RANBP2: variants seen among roughly 807,000 people sequenced by gnomAD.
RANBP2 encodes the protein E3 SUMO-protein ligase RanBP2.
A neutral mutation model predicts 303.6 loss-of-function variants in RANBP2; 57 were observed. The observed-to-expected ratio is 0.19, with a 90% CI of 0.15 to 0.23. The LOEUF is 0.23. Ranked by LOEUF, RANBP2 falls within the 10% of genes least tolerant of loss-of-function variation. RANBP2 has a pLI of 1.00. For missense variants in RANBP2, 3,138 were observed against 3,780.8 expected (o/e 0.83, Z 4.46); for synonymous variants, 1,167 against 1,301.5 (o/e 0.90, Z 2.23).
chr2:109,402,821 G>A, the RANBP2 span, among the ~76,000 whole-genome samples: 728 of 152,302 alleles, frequency 4.8e-3, 4 homozygotes, highest in African/African-American at 0.017. Context: ...TACTTTTGGG[G>A]TGAGCATGGT....
chr2:109,488,484 A>G, the RANBP2 span, among the ~76,000 whole-genome samples: 138,566 of 152,246 alleles, frequency 0.91, 63,252 homozygotes, highest in Middle Eastern at 0.99. Flanking sequence ...GCCCAGCTGC[A>G]GGGTCTCCCA....
the RANBP2 span, among the ~76,000 whole-genome samples, chr2:109,272,538 TC>T: frequency 6.6e-6 from 1 of 152,222 alleles, no homozygotes; most frequent in South Asian, 2.1e-4. Context: ...AGGGTGTGTT[TC>T]TTTTGGTGAT....
the RANBP2 span, among the ~76,000 whole-genome samples, chr2:108,973,287 C>T: frequency 6.6e-6 from 1 of 152,204 alleles, no homozygotes; most frequent in Non-Finnish European, 1.5e-5. Context: ...CGCACCTGGC[C>T]TCAGCATGTG....
chr2:109,369,712 T>C, the RANBP2 span, among the ~76,000 whole-genome samples: 9 of 152,272 alleles, frequency 5.9e-5, no homozygotes, highest in South Asian at 1.9e-3. Context: ...CTGCCCTCCT[T>C]CTGTGTGATC....
At chr2:108,803,032 G>C in the RANBP2 span, among the ~76,000 whole-genome samples, 1 of 152,206 alleles carries the variant, frequency 6.6e-6, no homozygotes, top group African/African-American at 2.4e-5. Flanking sequence ...TCTTGTGCCT[G>C]TGCCTCTTAA....
the RANBP2 span, among the ~76,000 whole-genome samples, chr2:108,904,329 T>C: frequency 1.3e-5 from 2 of 152,176 alleles, no homozygotes; most frequent in African/African-American, 4.8e-5. Context: ...GGCAAGCATA[T>C]GGAGAAACTA....
intron 18 of RANBP2, among the ~76,000 whole-genome samples, chr2:108,760,053 C>A (rs892060930): frequency 5.9e-4 from 89 of 152,092 alleles, no homozygotes; most frequent in Middle Eastern, 3.4e-3. Context: ...GCCAAGATCT[C>A]CTGATTTCTG....
chr2:109,396,010 GT>G, the RANBP2 span, among the ~76,000 whole-genome samples: 2 of 152,250 alleles, frequency 1.3e-5, no homozygotes, highest in East Asian at 3.8e-4. Context: ...CATGATTGCT[GT>G]GTAATGATGT....
chr2:108,743,559 A>T (rs1443768027), intron 7 of RANBP2, among the ~76,000 whole-genome samples: 1 of 152,214 alleles, frequency 6.6e-6, no homozygotes, highest in Non-Finnish European at 1.5e-5. Flanking sequence ...GATTACAGGT[A>T]TGAGCCACCA....
At chr2:109,056,863 C>T in the RANBP2 span, among the ~76,000 whole-genome samples, 1 of 152,152 alleles carries the variant, frequency 6.6e-6, no homozygotes, top group Non-Finnish European at 1.5e-5. Flanking sequence ...CATGGTCCTC[C>T]CAAGACCAAA....
At chr2:108,989,514 G>A in the RANBP2 span, 1 of 151,968 alleles carries the variant, frequency 6.6e-6, no homozygotes, top group Non-Finnish European at 1.5e-5. Context: ...AAGCTTGTTC[G>A]TAGAAGGACC....
chr2:109,211,011 C>T, the RANBP2 span, among the ~76,000 whole-genome samples: 1 of 152,216 alleles, frequency 6.6e-6, no homozygotes, highest in African/African-American at 2.4e-5. Context: ...CTTCTTCCTC[C>T]TGGCACACGG....
the RANBP2 span, among the ~76,000 whole-genome samples, chr2:108,860,758 G>C: frequency 6.6e-6 from 1 of 151,538 alleles, no homozygotes; most frequent in Non-Finnish European, 1.5e-5. Context: ...TTGGCCTATA[G>C]TTTTCTACTT....
the RANBP2 span, among the ~76,000 whole-genome samples, chr2:109,526,243 G>T: frequency 1.3e-5 from 2 of 152,120 alleles, no homozygotes; most frequent in African/African-American, 4.8e-5. Context: ...TAAGCCCAGG[G>T]CTGCCTGCTG....
the RANBP2 span, among the ~76,000 whole-genome samples, chr2:109,134,130 C>T: frequency 6.6e-6 from 1 of 152,260 alleles, no homozygotes; most frequent in East Asian, 1.9e-4. Flanking sequence ...CATATATCAC[C>T]TTATGGAAAG....
chr2:109,302,661 T>C, the RANBP2 span, among the ~76,000 whole-genome samples: 43,778 of 152,162 alleles, frequency 0.29, 8,572 homozygotes, highest in African/African-American at 0.55. Flanking sequence ...CGGGATGGCG[T>C]GACCTCTGGA....
At chr2:108,777,817 A>G (rs1677990742) in intron 25 of RANBP2, among the ~76,000 whole-genome samples, 1 of 152,092 alleles carries the variant, frequency 6.6e-6, no homozygotes, top group South Asian at 2.1e-4. Context: ...TATCTTTCAC[A>G]TTGCTCTTTA....
the RANBP2 span, among the ~76,000 whole-genome samples, chr2:108,812,424 T>G: frequency 6.6e-6 from 1 of 152,206 alleles, no homozygotes; most frequent in African/African-American, 2.4e-5. Flanking sequence ...ACATTTTTCA[T>G]AAAATGAAGT....
At chr2:108,734,731 T>C (rs1695434537) in intron 4 of RANBP2, among the ~76,000 whole-genome samples, 1 of 151,694 alleles carries the variant, frequency 6.6e-6, no homozygotes, top group Non-Finnish European at 1.5e-5. Flanking sequence ...ACAAGGGTGG[T>C]ATGGTGGTTT....
Sources: gnomAD v4.1 joint callset for allele counts (sites outside exome capture counted in the v4.1 genomes callset) on GRCh38, gnomAD v4.1.1 for gene constraint, MANE v1.5 for transcripts, NCBI Gene and HGNC (gene_info 2026-07-23, HGNC 2026-07-21) for gene names.